The following ABCA12 variants were observed in gnomAD, a reference collection of about 807,000 sequenced individuals.
ABCA12 encodes glucosylceramide transporter ABCA12.
A neutral mutation model predicts 293.5 loss-of-function variants in ABCA12; 156 were observed. The observed-to-expected ratio is 0.53, with a 90% CI of 0.47 to 0.61. The LOEUF (loss-of-function observed/expected upper bound fraction) is 0.61. ABCA12 is among the 20% of genes least tolerant of loss of function. ABCA12 has a pLI of 0.00. For synonymous variants in ABCA12, 1,063 were observed against 1,108.0 expected, an observed-to-expected ratio of 0.96 and a Z score of 0.81; for missense variants, 2,797 against 3,090.2, an observed-to-expected ratio of 0.91 and a Z score of 2.25.
At chr2:214,956,858 A>G (rs1698967302) in intron 41 of ABCA12, 80 bp from the exon 42 acceptor site, 2 of 924,396 alleles carry the variant, frequency 2.2e-6, no homozygotes, top group Non-Finnish European at 3.5e-6. Flanking sequence ...CATCTAGTTT[A>G]AAACTGCAAC....
chr2:215,049,373 A>G (rs1328699316), intron 6 of ABCA12, among the ~76,000 whole-genome samples: 3 of 152,194 alleles, frequency 2.0e-5, no homozygotes, highest in Non-Finnish European at 4.4e-5. Flanking sequence ...GAGCAAAGCC[A>G]TATTTTATTT....
chr2:215,056,093 C>CA (rs1701414298), intron 3 of ABCA12, among the ~76,000 whole-genome samples: 1 of 151,628 alleles, frequency 6.6e-6, no homozygotes, highest in Non-Finnish European at 1.5e-5. Flanking sequence ...GGGACAGCAA[C>CA]AAAAACAAAA....
rs996140169 is a variant in ABCA12, at chr2:214,932,169, C to T, written c.*465G>A. On this transcript the variant is annotated 3_prime_UTR_variant, in exon 53 of 53. Transcript: ENST00000272895. Reference sequence around the variant, plus strand: ...CCCTTAGCAGTTCACACATCACAGCCGATTCATGTATTCATGATGATGTTC... The same window carrying T: ...CCCTTAGCAGTTCACACATCACAGCTGATTCATGTATTCATGATGATGTTC... 16 of 218,514 alleles carry T rather than the reference C, an allele frequency of 7.3e-5. No individual in the cohort carries two copies. Among genetic ancestry groups the T allele is most frequent in the South Asian group, 2.8e-4 (4 of 14,222 alleles). The allele number at this position is 218,514 out of a possible 1,614,324, so 13.5% of individuals were successfully genotyped here.
At chr2:214,957,199 G>C (rs1167649625) in intron 41 of ABCA12, among the ~76,000 whole-genome samples, 1 of 152,224 alleles carries the variant, frequency 6.6e-6, no homozygotes, top group African/African-American at 2.4e-5. Context: ...TTATCAGTGT[G>C]AACCACTCTG....
chr2:215,064,562 C>T (rs905704143), intron 2 of ABCA12, among the ~76,000 whole-genome samples: 1 of 151,914 alleles, frequency 6.6e-6, no homozygotes, highest in African/African-American at 2.4e-5. Context: ...ACAGTGTATC[C>T]ACATGATAAA....
intron 2 of ABCA12, among the ~76,000 whole-genome samples, chr2:215,090,529 C>T (rs1019814117): frequency 2.6e-5 from 4 of 152,128 alleles, no homozygotes; most frequent in Admixed American, 6.6e-5. Context: ...AATATTGGTT[C>T]CTTTCCTTTT....
intron 1 of ABCA12, among the ~76,000 whole-genome samples, chr2:215,114,040 C>T (rs1254967611): frequency 4.6e-5 from 7 of 152,028 alleles, no homozygotes; most frequent in African/African-American, 1.7e-4. Flanking sequence ...AGTGGTGCAA[C>T]CTCGGCTCAC....
At chr2:215,102,515 C>T (rs1237731422) in intron 2 of ABCA12, among the ~76,000 whole-genome samples, 1 of 152,176 alleles carries the variant, frequency 6.6e-6, no homozygotes, top group Non-Finnish European at 1.5e-5. Flanking sequence ...AGGAGAATTG[C>T]TTGAACCCAG....
rs187967246 is a variant in ABCA12 at position 215,103,350 on chromosome 2, C to T, written c.163+8247G>A. Among the ~76,000 whole-genome samples the T allele has an allele frequency of 3.1e-3, 440 of 142,252 alleles. 2 individuals carry two copies. The highest frequency in any genetic ancestry group is 0.01 in the African/African-American group (403 of 38,408). The allele number at this position is 142,252 out of a possible 152,430, so 93.3% of individuals were successfully genotyped here. ...ATGGTGTGATCTCAGCTCACTGCAA[C>T]GTCTGCCTCCTGGGTTCAAGCAATT... On this transcript the variant is annotated intron_variant, in intron 2 of 52. Transcript: ENST00000272895.
At chr2:215,122,369 T>G (rs1702824606) in intron 1 of ABCA12, among the ~76,000 whole-genome samples, 1 of 152,260 alleles carries the variant, frequency 6.6e-6, no homozygotes, top group Non-Finnish European at 1.5e-5. Flanking sequence ...GAGTAAGTTG[T>G]GCAGGACCCA....
chr2:215,052,377 C>T (rs1701336299), intron 5 of ABCA12, 110 bp downstream of exon 5: 12 of 888,056 alleles, frequency 1.4e-5, no homozygotes, highest in East Asian at 2.7e-5. Flanking sequence ...TGAGATATTA[C>T]CCTAAATAGG....
At chr2:214,977,205 G>GTGC (rs1400118793) in intron 33 of ABCA12, among the ~76,000 whole-genome samples, 1 of 152,158 alleles carries the variant, frequency 6.6e-6, no homozygotes, top group Non-Finnish European at 1.5e-5. Context: ...TGAAATAAAT[G>GTGC]TGCTTTCTAA....
intron 43 of ABCA12, among the ~76,000 whole-genome samples, chr2:214,954,969 T>G (rs1452109628): frequency 6.6e-6 from 1 of 152,182 alleles, no homozygotes; most frequent in Non-Finnish European, 1.5e-5. Flanking sequence ...TGATTTCACC[T>G]CTGTCACCAC....
intron 1 of ABCA12, among the ~76,000 whole-genome samples, chr2:215,114,219 C>T (rs1471312402): frequency 1.3e-5 from 2 of 152,208 alleles, no homozygotes; most frequent in South Asian, 2.1e-4. Context: ...ATAATCTGCC[C>T]ACCTTGGCCT....
intron 11 of ABCA12, among the ~76,000 whole-genome samples, chr2:215,024,298 G>T (rs1700693330): frequency 1.3e-5 from 2 of 152,086 alleles, no homozygotes; most frequent in Admixed American, 6.6e-5. Flanking sequence ...TCCTCCAATG[G>T]ATTGACAATA....
At chr2:215,092,957 A>G (rs1702177591) in intron 2 of ABCA12, among the ~76,000 whole-genome samples, 1 of 152,200 alleles carries the variant, frequency 6.6e-6, no homozygotes, top group South Asian at 2.1e-4. Context: ...ACAAGGCTTC[A>G]GGGACAGCCC....
At chr2:215,034,610 A>T in intron 8 of ABCA12, among the ~76,000 whole-genome samples, 1 of 152,180 alleles carries the variant, frequency 6.6e-6, no homozygotes, top group East Asian at 1.9e-4. Flanking sequence ...GAGGTTGTTC[A>T]TAAAAGAGCT....
chr2:215,057,188 C>G (rs1352418775), intron 3 of ABCA12, among the ~76,000 whole-genome samples: 1 of 152,002 alleles, frequency 6.6e-6, no homozygotes, highest in African/African-American at 2.4e-5. Flanking sequence ...AATTTCAGCT[C>G]TCTCTTCCTA....
chr2:215,071,676 C>T (rs1440535499), intron 2 of ABCA12, among the ~76,000 whole-genome samples: 1 of 152,138 alleles, frequency 6.6e-6, no homozygotes, highest in Non-Finnish European at 1.5e-5. Flanking sequence ...CAGGGAAGAT[C>T]AATTAGGCAA....
Sources: allele counts gnomAD v4.1 joint callset (sites outside exome capture counted in the v4.1 genomes callset), GRCh38; gene constraint gnomAD v4.1.1; transcripts MANE v1.5; gene names NCBI Gene and HGNC (gene_info 2026-07-23, HGNC 2026-07-21).